LRMDA: variants seen among roughly 807,000 people sequenced by gnomAD.
The protein encoded by LRMDA is leucine rich melanocyte differentiation associated.
A neutral mutation model predicts 29.8 loss-of-function variants in LRMDA; 18 were observed. The observed-to-expected ratio is 0.60, with a 90% CI of 0.42 to 0.90. The LOEUF (loss-of-function observed/expected upper bound fraction) is 0.90. LRMDA is among the 40% of genes least tolerant of loss of function. LRMDA has a pLI of 0.00. For synonymous variants in LRMDA, 125 were observed against 109.4 expected (o/e 1.14, Z -0.89); for missense variants, 273 against 273.9 (o/e 1.00, Z 0.02).
intron 2 of LRMDA, among the ~76,000 whole-genome samples, chr10:75,885,540 T>C (rs1429800063): frequency 6.6e-6 from 1 of 152,186 alleles, no homozygotes; most frequent in African/African-American, 2.4e-5. Context: ...GTGAATACAG[T>C]CAATCTCAGG....
chr10:76,449,746 A>G (rs745857309), intron 6 of LRMDA, among the ~76,000 whole-genome samples: 6 of 151,980 alleles, frequency 3.9e-5, no homozygotes, highest in African/African-American at 1.4e-4. Context: ...TATAAACTAT[A>G]TACTAAATCC....
intron 2 of LRMDA, among the ~76,000 whole-genome samples, chr10:75,555,823 CAT>C (rs549954188): frequency 9.5e-4 from 145 of 152,160 alleles, no homozygotes; most frequent in Middle Eastern, 6.8e-3. Context: ...TGCCCAAGGA[CAT>C]AAAGGGAAAT....
intron 2 of LRMDA, among the ~76,000 whole-genome samples, chr10:75,807,978 C>T (rs1342915560): frequency 2.6e-4 from 40 of 152,112 alleles, no homozygotes; most frequent in Non-Finnish European, 1.8e-4. Flanking sequence ...AATTGGGTTC[C>T]TGTTACAGAG....
intron 2 of LRMDA, among the ~76,000 whole-genome samples, chr10:75,592,701 C>T (rs1297187366): frequency 6.6e-6 from 1 of 152,254 alleles, no homozygotes; most frequent in Non-Finnish European, 1.5e-5. Context: ...TCCTGTTCCT[C>T]AGTCTCGGTA....
chr10:76,182,914 A>G (rs141149389), intron 5 of LRMDA, among the ~76,000 whole-genome samples: 1 of 152,324 alleles, frequency 6.6e-6, no homozygotes, highest in East Asian at 1.9e-4. Flanking sequence ...AAGTTGAAAT[A>G]GAGAAGGACA....
intron 2 of LRMDA, among the ~76,000 whole-genome samples, chr10:75,916,549 TC>T (rs1175781155): frequency 6.6e-6 from 1 of 152,066 alleles, no homozygotes; most frequent in East Asian, 1.9e-4. Flanking sequence ...AGAAAAACCG[TC>T]CCCACCCCAC....
chr10:75,846,177 T>TG lies in LRMDA; in HGVS notation c.132-189831_132-189830insG, dbSNP rs1844633347. Among the ~76,000 whole-genome samples, 172 of 143,076 alleles carry TG rather than the reference T, an allele frequency of 1.2e-3. 2 individuals are homozygous for TG. The highest frequency in any genetic ancestry group is 4.0e-3 in the African/African-American group (151 of 37,904). 93.9% of individuals were successfully genotyped at this position (143,076 alleles called of 152,430 possible). ...TTTTGTTACTTATTTGTGTGTGTGT[T>TG]TGTGTGTGTGTGTGTGTGTGTGTGT... On this transcript the variant is annotated intron_variant, in intron 2 of 6. Coordinates refer to ENST00000611255, the MANE Select transcript of LRMDA (RefSeq NM_001305581.2).
intron 2 of LRMDA, among the ~76,000 whole-genome samples, chr10:75,482,187 G>T (rs1344812521): frequency 6.6e-6 from 1 of 152,166 alleles, no homozygotes; most frequent in Non-Finnish European, 1.5e-5. Flanking sequence ...GGAAGCATAG[G>T]TGGAGGGAAG....
At chr10:75,603,915 A>G (rs1840920510) in intron 2 of LRMDA, among the ~76,000 whole-genome samples, 1 of 152,160 alleles carries the variant, frequency 6.6e-6, no homozygotes, top group African/African-American at 2.4e-5. Flanking sequence ...CTTGATACCT[A>G]TCAGCTGAGC....
intron 2 of LRMDA, among the ~76,000 whole-genome samples, chr10:75,745,101 C>T (rs766862689): frequency 5.9e-5 from 9 of 152,162 alleles, no homozygotes; most frequent in South Asian, 4.1e-4. Flanking sequence ...CTTATCATGA[C>T]GTCTCCCAAG....
At chr10:76,330,775 T>C (rs964590744) in intron 6 of LRMDA, among the ~76,000 whole-genome samples, 2 of 152,238 alleles carry the variant, frequency 1.3e-5, no homozygotes, top group Non-Finnish European at 2.9e-5. Context: ...AGCCAACTTT[T>C]AGTTTTTCAT....
chr10:76,077,766 G>A (rs760859841), intron 5 of LRMDA, among the ~76,000 whole-genome samples: 2 of 151,936 alleles, frequency 1.3e-5, no homozygotes, highest in Non-Finnish European at 2.9e-5. Flanking sequence ...AAGCAGCAAC[G>A]ACATTGTCAC....
At chr10:76,162,347 C>G (rs1052030703) in intron 5 of LRMDA, among the ~76,000 whole-genome samples, 2 of 152,168 alleles carry the variant, frequency 1.3e-5, no homozygotes, top group African/African-American at 4.8e-5. Context: ...TTTACTAGCC[C>G]TATGAATTTG....
intron 2 of LRMDA, among the ~76,000 whole-genome samples, chr10:75,482,578 A>G (rs559926254): frequency 6.6e-6 from 1 of 152,206 alleles, no homozygotes; most frequent in East Asian, 1.9e-4. Flanking sequence ...CTGTGCGCGT[A>G]TTTCCTGGCT....
At chr10:75,441,122 C>G (rs529785932) in intron 2 of LRMDA, among the ~76,000 whole-genome samples, 1 of 152,270 alleles carries the variant, frequency 6.6e-6, no homozygotes, top group East Asian at 1.9e-4. Context: ...TCTAAACTTA[C>G]CTTCCAAATG....
chr10:75,476,659 T>A (rs949833274), intron 2 of LRMDA, among the ~76,000 whole-genome samples: 2 of 152,160 alleles, frequency 1.3e-5, no homozygotes, highest in Admixed American at 1.3e-4. Context: ...TAGCTCAGCT[T>A]CCTCTTTACC....
chr10:75,480,502 G>T (rs566012318), intron 2 of LRMDA, among the ~76,000 whole-genome samples: 7 of 152,332 alleles, frequency 4.6e-5, no homozygotes, highest in African/African-American at 1.7e-4. Flanking sequence ...GGCCAAGTAA[G>T]GTGGCCTTGG....
chr10:76,503,805 G>C lies in LRMDA; in HGVS notation c.602-53404G>C, dbSNP rs575325292. 1.5e-4 allele frequency among the ~76,000 whole-genome samples: 22 copies of C among 149,210 alleles called. No homozygotes were observed. The South Asian group carries it at 3.8e-3, about 26-fold the overall frequency. Reference sequence around the variant, plus strand: ...TCTTGGTTTCATTGATCTTTTGCATGGATTTTTGCATTTCAATTTCATTTA... The same window carrying C: ...TCTTGGTTTCATTGATCTTTTGCATCGATTTTTGCATTTCAATTTCATTTA... On this transcript the variant is annotated intron_variant, in intron 6 of 6. Coordinates refer to ENST00000611255, the MANE Select transcript of LRMDA (RefSeq NM_001305581.2).
At chr10:75,593,519 C>T (rs1396939836) in intron 2 of LRMDA, among the ~76,000 whole-genome samples, 2 of 152,180 alleles carry the variant, frequency 1.3e-5, no homozygotes, top group Non-Finnish European at 2.9e-5. Context: ...GATGCACATT[C>T]CCCAGATTAC....
Sources: gnomAD v4.1 joint callset for allele counts (sites outside exome capture counted in the v4.1 genomes callset) on GRCh38, gnomAD v4.1.1 for gene constraint, MANE v1.5 for transcripts, NCBI Gene and HGNC (gene_info 2026-07-23, HGNC 2026-07-21) for gene names.